PELP1: variants seen among roughly 807,000 people sequenced by gnomAD.
The protein encoded by PELP1 is proline-, glutamic acid- and leucine-rich protein 1.
A neutral mutation model predicts 95.5 loss-of-function variants in PELP1; 32 were observed. The observed-to-expected ratio is 0.34, with a 90% CI of 0.25 to 0.45. PELP1 has a LOEUF of 0.45. Among genes scored for constraint, PELP1 ranks in the 20% least tolerant of loss-of-function variants. PELP1 has a pLI of 1.00. For missense variants in PELP1, 1,358 were observed against 1,444.8 expected, an observed-to-expected ratio of 0.94 and a Z score of 0.97; for synonymous variants, 668 against 600.1, an observed-to-expected ratio of 1.11 and a Z score of -1.65.
At chr17:4,699,596 T>C (rs1913437560) in intron 1 of PELP1, among the ~76,000 whole-genome samples, 1 of 152,134 alleles carries the variant, frequency 6.6e-6, no homozygotes. Flanking sequence ...GGTGATTTGT[T>C]TGTTTTTTGA....
intron 3 of PELP1, 109 bp from the exon 4 acceptor site, chr17:4,683,061 T>G (rs1912750929): frequency 7.4e-7 from 1 of 1,358,682 alleles, no homozygotes. Context: ...AATGTCAGTC[T>G]GACCATCCAA....
intron 3 of PELP1, among the ~76,000 whole-genome samples, chr17:4,687,234 T>C (rs1191247887): frequency 6.6e-6 from 1 of 152,128 alleles, no homozygotes; most frequent in Non-Finnish European, 1.5e-5. Context: ...TTCACATTCA[T>C]TTATATAATT....
intron 1 of PELP1, among the ~76,000 whole-genome samples, chr17:4,693,161 A>C (rs77632571): frequency 0.018 from 2,687 of 152,346 alleles, 76 homozygotes; most frequent in African/African-American, 0.057. Flanking sequence ...TAGAGTGAAC[A>C]CATGACCCAG....
At chr17:4,690,727 A>T (rs1483929963) in intron 3 of PELP1, among the ~76,000 whole-genome samples, 161 bp downstream of exon 3, 2 of 152,216 alleles carry the variant, frequency 1.3e-5, no homozygotes, top group African/African-American at 4.8e-5. Flanking sequence ...ATCTCAAAAA[A>T]AAAGTTTCTA....
chr17:4,692,251 A>T (rs1284220766), intron 1 of PELP1, among the ~76,000 whole-genome samples: 3 of 151,976 alleles, frequency 2.0e-5, no homozygotes, highest in Non-Finnish European at 4.4e-5. Flanking sequence ...GCGGATCACG[A>T]GGTCAGGAGA....
chr17:4,671,872 T>C lies in PELP1; in HGVS notation c.3119A>G (p.Glu1040Gly), dbSNP rs1450020624. 1.3e-6 allele frequency: 2 copies of C among 1,513,682 alleles called. No homozygotes were observed. The highest frequency in any genetic ancestry group is 2.8e-5 in the African/African-American group (2 of 71,500). The allele number at this position is 1,513,682 out of a possible 1,614,324, so 93.8% of individuals were successfully genotyped here. ...GGGCCCTGCCGCAGGGCTTTCCCCT[T>C]CCCTCTCCACCTCTCCCTGGGAGGG... Reference protein sequence around the residue: ...ALPSQGEVEREGESPAAGPPP... With the variant: ...ALPSQGEVERGGESPAAGPPP... The change falls in exon 16 of 17, where the codon GAA becomes GGA. Residue 1040 changes from glutamate to glycine, a missense_variant. Physicochemically the swap from Glu to Gly is moderately conservative, Grantham distance 98 (BLOSUM62 -2). Around this residue, in one of 7 missense-constraint regions of PELP1, gnomAD observed 283 missense variants for 284.1 expected, o/e 1.00. Coordinates refer to ENST00000572293, the MANE Select transcript of PELP1 (RefSeq NM_014389.3).
At chr17:4,679,999 ACAG>A (rs950573597) in intron 5 of PELP1, among the ~76,000 whole-genome samples, 1 of 152,206 alleles carries the variant, frequency 6.6e-6, no homozygotes, top group Admixed American at 6.5e-5. Flanking sequence ...AGCGAGCTAC[ACAG>A]CCACTAACAA....
intron 5 of PELP1, among the ~76,000 whole-genome samples, chr17:4,678,811 C>T (rs769291932): frequency 6.6e-6 from 1 of 152,180 alleles, no homozygotes. Context: ...TAATCCTGAG[C>T]TTGGAGTCTA....
At chr17:4,683,954 G>C (rs932411893) in intron 3 of PELP1, among the ~76,000 whole-genome samples, 1 of 143,124 alleles carries the variant, frequency 7.0e-6, no homozygotes, top group African/African-American at 2.6e-5. Flanking sequence ...TCATACTAAT[G>C]TTCCCTGCTA....
rs1264401883 is a variant in PELP1 at position 4,675,440 on chromosome 17, AT to A, written c.1069-79del. Reference sequence around the variant, plus strand: ...AGAGAGACAGAAACAGGGAATGACCATTTACATATGTACACATAGGTAAGAA... The same window carrying A: ...AGAGAGACAGAAACAGGGAATGACCATTACATATGTACACATAGGTAAGAA... On this transcript the variant is annotated intron_variant, in intron 9 of 16. Coordinates refer to ENST00000572293, the MANE Select transcript of PELP1 (RefSeq NM_014389.3). This position sits in a 1 kb window ranked among gnomAD's most constrained non-coding sequence, Gnocchi z 4.3. 22 of 932,700 alleles carry A rather than the reference AT, an allele frequency of 2.4e-5. No homozygotes were observed. Among genetic ancestry groups the A allele is most frequent in the Non-Finnish European group, 3.4e-5 (20 of 593,376 alleles). 57.8% of individuals were successfully genotyped at this position (932,700 alleles called of 1,614,324 possible). A position where few individuals can be genotyped will look rare whatever the true frequency, so the allele number is the denominator to read the frequency against.
chr17:4,691,344 C>A (rs776262843), intron 2 of PELP1, 34 bp downstream of exon 2: 2 of 1,513,784 alleles, frequency 1.3e-6, no homozygotes, highest in South Asian at 1.1e-5. Flanking sequence ...TAAGGGAACA[C>A]GCCCCTGGAG....
chr17:4,686,134 T>C (rs575798883), intron 3 of PELP1, among the ~76,000 whole-genome samples: 1 of 152,124 alleles, frequency 6.6e-6, no homozygotes, highest in South Asian at 2.1e-4. Context: ...CACTGAACCA[T>C]CAAGGCTACA....
chr17:4,700,021 C>T (rs2150567476), intron 1 of PELP1, among the ~76,000 whole-genome samples: 1 of 151,194 alleles, frequency 6.6e-6, no homozygotes, highest in East Asian at 2.0e-4. Context: ...CTGCCTCAGC[C>T]TCCTGAATGG....
chr17:4,686,660 G>A (rs539162689), intron 3 of PELP1, among the ~76,000 whole-genome samples: 17 of 152,252 alleles, frequency 1.1e-4, no homozygotes, highest in African/African-American at 4.1e-4. Context: ...TGGGATTACA[G>A]GTGCCTGCCA....
In PELP1 at chr17:4,674,850, G is replaced by T. The variant is rs1407913941; in HGVS notation, c.1381C>A (p.His461Asn). The change falls in exon 12 of 17, where the codon CAC (histidine) becomes AAC (asparagine). Residue 461 changes from histidine to asparagine, a missense_variant. His to Asn is a moderately conservative substitution (Grantham distance 68, BLOSUM62 1). This residue lies in a region of PELP1 where 538 missense variants were observed against 628.1 expected (regional missense o/e 0.86). Coordinates refer to ENST00000572293, the MANE Select transcript of PELP1 (RefSeq NM_014389.3). ...GGASGEALLT[H>N]LLSDISPPAD... Reference sequence around the variant, plus strand: ...GGCGGGGAGATGTCGCTGAGCAGGTGGGTGAGCAGGGCCTCTCCAGAGGCT... The same window carrying T: ...GGCGGGGAGATGTCGCTGAGCAGGTTGGTGAGCAGGGCCTCTCCAGAGGCT... The T allele has an allele frequency of 6.2e-7, 1 of 1,613,456 alleles. No homozygotes were observed.
chr17:4,680,855 A>G (rs1342401903), intron 5 of PELP1, among the ~76,000 whole-genome samples: 1 of 152,250 alleles, frequency 6.6e-6, no homozygotes, highest in Non-Finnish European at 1.5e-5. Flanking sequence ...CAAACAACAA[A>G]TGTGCCAATT....
chr17:4,678,707 C>T (rs1430206646), intron 5 of PELP1, among the ~76,000 whole-genome samples: 3 of 152,164 alleles, frequency 2.0e-5, no homozygotes, highest in Admixed American at 6.5e-5. Context: ...AGGAACTGCT[C>T]ATCAATGTGG....
At chr17:4,703,824 C>T (rs765511777) in intron 1 of PELP1, 39 bp downstream of exon 1, 6 of 1,560,626 alleles carry the variant, frequency 3.8e-6, no homozygotes, top group Middle Eastern at 1.8e-4. Context: ...CCGCGCCATC[C>T]TCCCCACAGG....
intron 1 of PELP1, among the ~76,000 whole-genome samples, chr17:4,693,300 CTGG>C (rs1208614321): frequency 2.0e-5 from 3 of 152,252 alleles, no homozygotes; most frequent in African/African-American, 7.2e-5. Context: ...CGTCCACCCA[CTGG>C]TGAACAGATC....
Sources: allele counts gnomAD v4.1 joint callset (sites outside exome capture counted in the v4.1 genomes callset), GRCh38; gene constraint gnomAD v4.1.1; regional missense constraint gnomAD v4.1.1; non-coding constraint Gnocchi (gnomAD v3.1); transcripts MANE v1.5; gene names NCBI Gene and HGNC (gene_info 2026-07-23, HGNC 2026-07-21).